Variants in SLC1A3 observed in about 807,000 individuals in gnomAD.
The protein encoded by SLC1A3 is solute carrier family 1 member 3.
A neutral mutation model predicts 48.1 loss-of-function variants in SLC1A3; 21 were observed. The observed-to-expected ratio is 0.44, with a 90% CI of 0.31 to 0.63. The LOEUF (loss-of-function observed/expected upper bound fraction) is 0.63. Ranked by LOEUF, SLC1A3 falls within the 20% of genes least tolerant of loss-of-function variation. The pLI, the probability that SLC1A3 is intolerant of heterozygous loss-of-function variation, is 0.08. For synonymous variants in SLC1A3, 239 were observed against 251.4 expected (o/e 0.95, Z 0.47); for missense variants, 546 against 689.0 (o/e 0.79, Z 2.32).
rs1282052725 is a variant in SLC1A3, at chr5:36,687,718, G to A, written c.*1449G>A. 1 of 152,568 alleles carries A rather than the reference G, an allele frequency of 6.6e-6. No individual in the cohort carries two copies. The highest frequency in any genetic ancestry group is 2.4e-5 in the African/African-American group (1 of 41,434). The allele number at this position is 152,568 out of a possible 1,614,324, so 9.5% of individuals were successfully genotyped here. A position where few individuals can be genotyped will look rare whatever the true frequency, so the allele number is the denominator to read the frequency against. ...TTTTGTTTTGTTTGTGTCCATAAGA[G>A]AAATGGTAGAAGATGAATCAGTATG... On this transcript the variant is annotated 3_prime_UTR_variant, in exon 10 of 10. Coordinates refer to ENST00000265113, the MANE Select transcript of SLC1A3 (RefSeq NM_004172.5).
chr5:36,604,486 A>G (rs1434563299), upstream of SLC1A3, among the ~76,000 whole-genome samples: 1 of 152,194 alleles, frequency 6.6e-6, no homozygotes, highest in Non-Finnish European at 1.5e-5. Flanking sequence ...TTAAAGAAGT[A>G]ATTCCCAATG....
At chr5:36,620,204 G>A (rs1739607134) in intron 2 of SLC1A3, among the ~76,000 whole-genome samples, 1 of 152,128 alleles carries the variant, frequency 6.6e-6, no homozygotes, top group Admixed American at 6.5e-5. Context: ...CAGGTTTGAT[G>A]TGAAAATTAA....
Position 36,680,701 on chromosome 5 carries a change from T to G in SLC1A3, c.1289+112T>G, listed in dbSNP as rs1185248744. The G allele has an allele frequency of 3.5e-6, 3 of 866,460 alleles. No individual in the cohort carries two copies. The African/African-American group carries it at 5.0e-5, about 14-fold the overall frequency. 53.7% of individuals were successfully genotyped at this position (866,460 alleles called of 1,614,324 possible). A position where few individuals can be genotyped will look rare whatever the true frequency, so the allele number is the denominator to read the frequency against. ...GGGAGGCCAAGGCGGGTGGATCTCCTGAGGCCAGGAGTTCAAGACTAGCCT... is the reference window on the plus strand; with the variant it reads ...GGGAGGCCAAGGCGGGTGGATCTCCGGAGGCCAGGAGTTCAAGACTAGCCT... On this transcript the variant is annotated intron_variant, in intron 8 of 9. Coordinates refer to ENST00000265113, the MANE Select transcript of SLC1A3 (RefSeq NM_004172.5).
intron 3 of SLC1A3, 33 bp from the exon 4 acceptor site, chr5:36,670,996 A>AC (rs781649325): frequency 1.2e-4 from 183 of 1,591,170 alleles, no homozygotes; most frequent in Non-Finnish European, 1.5e-4. Context: ...CCCTGGACTG[A>AC]CTTCCTGAAA....
At chr5:36,683,593 A>G (rs541846675) in intron 8 of SLC1A3, among the ~76,000 whole-genome samples, 1 of 152,098 alleles carries the variant, frequency 6.6e-6, no homozygotes, top group South Asian at 2.1e-4. Flanking sequence ...CTGTATTCCC[A>G]GCTACTCAGG....
At chr5:36,620,423 G>C (rs911068287) in intron 2 of SLC1A3, among the ~76,000 whole-genome samples, 8 of 152,204 alleles carry the variant, frequency 5.3e-5, no homozygotes, top group African/African-American at 1.9e-4. Context: ...CAGTCCCACA[G>C]ACCATGAGAG....
In SLC1A3 at chr5:36,621,351, G is replaced by C. The variant is rs538989311; in HGVS notation, c.182-8099G>C. Among the ~76,000 whole-genome samples, 6 of 152,316 alleles carry C rather than the reference G, an allele frequency of 3.9e-5. No individual in the cohort carries two copies. The South Asian group carries it at 6.2e-4, about 16-fold the overall frequency. ...AGGAGGGAAGTGTGGAAACAGGTGA[G>C]AGGGAGCAGAGTAGGAGATGGGTTC... On this transcript the variant is annotated intron_variant, in intron 2 of 9. Transcript: ENST00000265113.
At chr5:36,609,020 A>C (rs746717599) in intron 2 of SLC1A3, 14 of 997,892 alleles carry the variant, frequency 1.4e-5, no homozygotes, top group Non-Finnish European at 1.6e-5. Flanking sequence ...GGTTCCAAAT[A>C]GTAATTATAT....
chr5:36,608,402 G>A lies in SLC1A3; in HGVS notation c.-22G>A, dbSNP rs777042516. 6.2e-7 allele frequency: 1 copy of A among 1,612,580 alleles called. No individual in the cohort carries two copies. The highest frequency in any genetic ancestry group is 8.5e-7 in the Non-Finnish European group (1 of 1,179,006). ...CCCAGACACTGAAGTGCAAAGAAGA[G>A]ACCCTCCTAGAAAAGTAAAATATGA... On this transcript the variant is annotated 5_prime_UTR_variant, in exon 2 of 10. Coordinates refer to ENST00000265113, the MANE Select transcript of SLC1A3 (RefSeq NM_004172.5).
At chr5:36,607,846 C>T (rs1739016348) in intron 1 of SLC1A3, among the ~76,000 whole-genome samples, 1 of 152,088 alleles carries the variant, frequency 6.6e-6, no homozygotes. Context: ...TACTTTACTG[C>T]ATGTAACAGA....
chr5:36,658,535 GT>G (rs2111875855), intron 3 of SLC1A3, among the ~76,000 whole-genome samples: 1 of 152,282 alleles, frequency 6.6e-6, no homozygotes, highest in South Asian at 2.1e-4. Flanking sequence ...CTTGCTTTGG[GT>G]TCCTCCAGAA....
At chr5:36,675,057 C>T (rs1456738285) in intron 5 of SLC1A3, among the ~76,000 whole-genome samples, 1 of 152,138 alleles carries the variant, frequency 6.6e-6, no homozygotes, top group Non-Finnish European at 1.5e-5. Flanking sequence ...GGTGTCAATT[C>T]ACTCCTGTTG....
chr5:36,605,860 C>T (rs1738915259), upstream of SLC1A3, among the ~76,000 whole-genome samples: 1 of 152,126 alleles, frequency 6.6e-6, no homozygotes, highest in African/African-American at 2.4e-5. Context: ...ATTTAGCATC[C>T]TTTAAAATGG....
At chr5:36,603,226 G>A (rs1325738761), upstream of SLC1A3, among the ~76,000 whole-genome samples, 2 of 152,212 alleles carry the variant, frequency 1.3e-5, no homozygotes, top group Non-Finnish European at 2.9e-5. Context: ...TGGCTGCTAT[G>A]GGCAGGCACC....
chr5:36,675,022 AT>A (rs1742149041), intron 5 of SLC1A3, among the ~76,000 whole-genome samples: 1 of 152,152 alleles, frequency 6.6e-6, no homozygotes, highest in African/African-American at 2.4e-5. Flanking sequence ...TGGTTAAATA[AT>A]ATTTCCCAAA....
At chr5:36,596,598 G>A (rs1738741276) in exon 1 of SLC1A3, among the ~76,000 whole-genome samples, 1 of 152,142 alleles carries the variant, frequency 6.6e-6, no homozygotes, top group African/African-American at 2.4e-5. Flanking sequence ...GAATCCTTTG[G>A]GATTTAATGG....
rs1158762437 is a variant in SLC1A3 at position 36,623,014 on chromosome 5, CAAAAAAA to C, written c.182-6421_182-6415del. On this transcript the variant is annotated intron_variant, in intron 2 of 9. Coordinates refer to ENST00000265113, the MANE Select transcript of SLC1A3 (RefSeq NM_004172.5). ...GCTACAGAGGGAGACTCCATCATCT[CAAAAAAA>C]AAAAAAAAAAAAAAGAAGTGTTTGT... Among the ~76,000 whole-genome samples the C allele has an allele frequency of 4.6e-4, 24 of 51,962 alleles. No homozygotes were observed. In the Admixed American group the frequency reaches 4.6e-3, roughly 10 times the overall value. The allele number at this position is 51,962 out of a possible 152,430, so 34.1% of individuals were successfully genotyped here.
chr5:36,616,300 T>C (rs986004072), intron 2 of SLC1A3, among the ~76,000 whole-genome samples: 1 of 152,152 alleles, frequency 6.6e-6, no homozygotes, highest in Admixed American at 6.5e-5. Flanking sequence ...TCAAGAGATA[T>C]GCTCAAGAGA....
At chr5:36,641,575 A>G (rs1311817438) in intron 3 of SLC1A3, among the ~76,000 whole-genome samples, 1 of 152,216 alleles carries the variant, frequency 6.6e-6, no homozygotes, top group African/African-American at 2.4e-5. Context: ...TTTAAGAAAA[A>G]AAAAGTGGAA....
Sources: gnomAD v4.1 joint callset for allele counts (sites outside exome capture counted in the v4.1 genomes callset) on GRCh38, gnomAD v4.1.1 for gene constraint, MANE v1.5 for transcripts, NCBI Gene and HGNC (gene_info 2026-07-23, HGNC 2026-07-21) for gene names.